UBXN7: variants seen among roughly 807,000 people sequenced by gnomAD.
UBXN7 encodes the protein UBX domain-containing protein 7.
In UBXN7, 9 loss-of-function variants were observed where a neutral mutation model predicts 58.0. That is an observed-to-expected ratio of 0.16 (90% CI 0.09 to 0.27). The LOEUF (loss-of-function observed/expected upper bound fraction) is 0.27. Ranked by LOEUF, UBXN7 falls within the 10% of genes least tolerant of loss-of-function variation. UBXN7 has a pLI of 1.00. For missense variants in UBXN7, 328 were observed against 599.6 expected, an observed-to-expected ratio of 0.55 and a Z score of 4.73; for synonymous variants, 208 against 205.0, an observed-to-expected ratio of 1.01 and a Z score of -0.12.
At chr3:196,396,097 C>G (rs189227209) in intron 3 of UBXN7, among the ~76,000 whole-genome samples, 3 of 150,418 alleles carry the variant, frequency 2.0e-5, no homozygotes, top group African/African-American at 7.5e-5. Flanking sequence ...ATATTGCACC[C>G]TGTGTCGCTC....
chr3:196,360,281 C>A lies in UBXN7; in HGVS notation c.1308+1563G>T, dbSNP rs117480216. On this transcript the variant is annotated intron_variant, in intron 10 of 10. Coordinates refer to ENST00000296328, the MANE Select transcript of UBXN7 (RefSeq NM_015562.2). ...AACAGATTTAAGTTTGACAAAACAG[C>A]CTTCTATTGGAAGAAGATGCCATCA... 1.9e-3 allele frequency among the ~76,000 whole-genome samples: 292 copies of A among 152,278 alleles called. 8 individuals are homozygous for A. In the East Asian group the frequency reaches 0.042, roughly 22 times the overall value.
intron 5 of UBXN7, among the ~76,000 whole-genome samples, chr3:196,374,359 TATC>T (rs753059531): frequency 6.6e-6 from 1 of 152,150 alleles, no homozygotes; most frequent in Non-Finnish European, 1.5e-5. Flanking sequence ...ACTGAGTACC[TATC>T]ATGTTTCAGG....
intron 1 of UBXN7, among the ~76,000 whole-genome samples, chr3:196,407,991 G>C (rs931528013): frequency 1.3e-5 from 2 of 151,514 alleles, no homozygotes; most frequent in African/African-American, 4.8e-5. Context: ...CCAGCTACTT[G>C]GGAGGCTGAG....
At chr3:196,359,403 C>T (rs1728443410) in intron 10 of UBXN7, among the ~76,000 whole-genome samples, 2 of 152,150 alleles carry the variant, frequency 1.3e-5, no homozygotes, top group Non-Finnish European at 2.9e-5. Flanking sequence ...AATTAATAAC[C>T]TACCAGTGTA....
At chr3:196,380,625 G>C (rs1449656067) in intron 5 of UBXN7, among the ~76,000 whole-genome samples, 10 of 152,242 alleles carry the variant, frequency 6.6e-5, no homozygotes. Context: ...ACTGGGACTG[G>C]GTGGAGAGCG....
chr3:196,410,821 CAA>C (rs558340861), intron 1 of UBXN7, among the ~76,000 whole-genome samples: 1 of 140,614 alleles, frequency 7.1e-6, no homozygotes. Context: ...GACTCCATCT[CAA>C]AAAAAAAAAA....
chr3:196,388,501 T>C (rs1430236351), intron 5 of UBXN7, among the ~76,000 whole-genome samples: 1 of 151,288 alleles, frequency 6.6e-6, no homozygotes, highest in African/African-American at 2.4e-5. Flanking sequence ...CTCTCTCACA[T>C]GCAGTCAAAC....
intron 1 of UBXN7, among the ~76,000 whole-genome samples, chr3:196,412,920 G>C (rs1730376404): frequency 6.6e-6 from 1 of 152,172 alleles, no homozygotes; most frequent in Non-Finnish European, 1.5e-5. Flanking sequence ...GGTAGAATGA[G>C]GAACAGGGAG....
intron 5 of UBXN7, among the ~76,000 whole-genome samples, chr3:196,374,221 T>G (rs1162635228): frequency 6.6e-6 from 1 of 151,742 alleles, no homozygotes; most frequent in African/African-American, 2.4e-5. Context: ...AAGAAAAAAA[T>G]GTACAAAACT....
At chr3:196,413,252 C>T (rs1370815912) in intron 1 of UBXN7, among the ~76,000 whole-genome samples, 1 of 152,024 alleles carries the variant, frequency 6.6e-6, no homozygotes, top group African/African-American at 2.4e-5. Context: ...GGAGGAGAAC[C>T]GCTTGAACCC....
chr3:196,383,318 A>G (rs1301278359), intron 5 of UBXN7, among the ~76,000 whole-genome samples: 3 of 152,114 alleles, frequency 2.0e-5, no homozygotes, highest in African/African-American at 4.8e-5. Flanking sequence ...ACCTACAGAG[A>G]AGAGACTTAG....
chr3:196,399,120 TAACA>T (rs1729875258), intron 3 of UBXN7, among the ~76,000 whole-genome samples: 1 of 152,228 alleles, frequency 6.6e-6, no homozygotes, highest in African/African-American at 2.4e-5. Flanking sequence ...CTCGCTACTC[TAACA>T]ATCACACAAG....
At chr3:196,377,843 T>TC (rs1251948602) in intron 5 of UBXN7, among the ~76,000 whole-genome samples, 1 of 151,920 alleles carries the variant, frequency 6.6e-6, no homozygotes, top group Non-Finnish European at 1.5e-5. Context: ...GCTAATTTTT[T>TC]CGACTTTTTG....
chr3:196,405,713 A>C (rs1354772550), intron 2 of UBXN7, among the ~76,000 whole-genome samples: 1 of 152,176 alleles, frequency 6.6e-6, no homozygotes, highest in Admixed American at 6.5e-5. Context: ...TGATTACTAC[A>C]TTATCTGAGG....
At chr3:196,419,480 C>T (rs894934692) in intron 1 of UBXN7, among the ~76,000 whole-genome samples, 6 of 151,996 alleles carry the variant, frequency 3.9e-5, no homozygotes, top group Non-Finnish European at 8.8e-5. Context: ...AGAAAGAAGC[C>T]CATGAAGCAA....
At chr3:196,364,240 C>T (rs1192776117) in intron 8 of UBXN7, among the ~76,000 whole-genome samples, 1 of 152,126 alleles carries the variant, frequency 6.6e-6, no homozygotes, top group Non-Finnish European at 1.5e-5. Context: ...ACTTACTTAG[C>T]TCCTGACTCA....
At chr3:196,432,125 G>A in intron 1 of UBXN7, 1 of 718,086 alleles carries the variant, frequency 1.4e-6, no homozygotes. Flanking sequence ...GACAGAGAAC[G>A]AGGGTATCGG....
In UBXN7 at chr3:196,369,613, C is replaced by A. The variant is rs946257939; in HGVS notation, c.616-102G>T. ...TCAATTAGCTCTCCAAATATACCTC[C>A]GGCCTATGTATTAAGATCTCACTCC... On this transcript the variant is annotated intron_variant, in intron 6 of 10. Transcript: ENST00000296328. 11 of 788,674 alleles carry A rather than the reference C, an allele frequency of 1.4e-5. No homozygotes were observed. The South Asian group carries it at 1.6e-4, about 12-fold the overall frequency. The allele number at this position is 788,674 out of a possible 1,614,324, so 48.9% of individuals were successfully genotyped here. A position where few individuals can be genotyped will look rare whatever the true frequency, so the allele number is the denominator to read the frequency against.
intron 9 of UBXN7, 53 bp downstream of exon 9, chr3:196,362,241 C>G (rs151325708): frequency 2.0e-6 from 3 of 1,536,568 alleles, no homozygotes; most frequent in African/African-American, 2.8e-5. Context: ...TGATCCACCA[C>G]GCCCGGCCCC....
Sources: allele counts gnomAD v4.1 joint callset (sites outside exome capture counted in the v4.1 genomes callset), GRCh38; gene constraint gnomAD v4.1.1; transcripts MANE v1.5; gene names NCBI Gene and HGNC (gene_info 2026-07-23, HGNC 2026-07-21).